The following ATG2A variants were observed in gnomAD, a reference collection of about 807,000 sequenced individuals.
The protein encoded by ATG2A is autophagy related 2A, also known as autophagy-related protein 2 homolog A.
ATG2A carries 103 observed loss-of-function variants against 214.2 expected under a neutral mutation model. That is an observed-to-expected ratio of 0.48 (90% CI 0.41 to 0.57). ATG2A has a LOEUF of 0.57. Among genes scored for constraint, ATG2A ranks in the 20% least tolerant of loss-of-function variants. ATG2A has a pLI of 0.00. For missense variants in ATG2A, 2,312 were observed against 2,613.2 expected, an observed-to-expected ratio of 0.88 and a Z score of 2.51; for synonymous variants, 1,160 against 1,142.1, an observed-to-expected ratio of 1.02 and a Z score of -0.32.
rs1944809669 is a variant in ATG2A at position 64,912,409 on chromosome 11, T to C, written c.840A>G (p.Gly280=). The change falls in exon 7 of 41, where the codon GGA becomes GGG. Residue 280 remains glycine, a synonymous_variant. Transcript: ENST00000377264. ...AFPGPKLEVA[G]QLGSLHLLLT... is the part of the protein sequence containing the mutation. ...GGAGCAGGTGCAGGGAGCCCAGCTGTCCCGCCACCTCCAACTGGGGGCCAA... is the reference window on the plus strand; with the variant it reads ...GGAGCAGGTGCAGGGAGCCCAGCTGCCCCGCCACCTCCAACTGGGGGCCAA... 1 of 1,549,498 alleles carries C rather than the reference T, an allele frequency of 6.5e-7. No individual in the cohort carries two copies. Among genetic ancestry groups the C allele is most frequent in the South Asian group, 1.2e-5 (1 of 84,222 alleles).
chr11:64,894,911 C>A lies in ATG2A; in HGVS notation c.*62G>T. Reference sequence around the variant, plus strand: ...CAGGCCGGGCCGGGCCCGTGGGCTGCAGCTCTTGGGAGGCTCAGGAGCATG... The same window carrying A: ...CAGGCCGGGCCGGGCCCGTGGGCTGAAGCTCTTGGGAGGCTCAGGAGCATG... On this transcript the variant is annotated 3_prime_UTR_variant, in exon 41 of 41. Transcript: ENST00000377264. 1 of 1,586,586 alleles carries A rather than the reference C, an allele frequency of 6.3e-7. No homozygotes were observed. Among genetic ancestry groups the A allele is most frequent in the Non-Finnish European group, 8.6e-7 (1 of 1,160,610 alleles).
Position 64,913,451 on chromosome 11 carries a change from C to A in ATG2A, c.591-50G>T, listed in dbSNP as rs1308049897. ...GCCCTGGCCACCCCAGGCCTGGAGC[C>A]CCTCTCTCCACACAGTGCTCTGCTC... is the stretch of plus-strand genomic sequence containing the variant. On this transcript the variant is annotated intron_variant, in intron 4 of 40. Coordinates refer to ENST00000377264, the MANE Select transcript of ATG2A (RefSeq NM_015104.3). The surrounding 1 kb of genome is among the most constrained non-coding windows in gnomAD (Gnocchi z 4.3). The A allele has an allele frequency of 1.3e-6, 2 of 1,506,736 alleles. No individual in the cohort carries two copies. Among genetic ancestry groups the A allele is most frequent in the Non-Finnish European group, 1.8e-6 (2 of 1,123,588 alleles). 93.3% of individuals were successfully genotyped at this position (1,506,736 alleles called of 1,614,324 possible).
In ATG2A at chr11:64,908,986, C is replaced by A. The variant is rs746756440; in HGVS notation, c.2364+5G>T. On this transcript the variant is annotated splice_donor_5th_base_variant and intron_variant, in intron 16 of 40. Transcript: ENST00000377264. Reference sequence around the variant, plus strand: ...GTCCTGGGAAGAGGTGGGGCCAAGTCTCACCTCCTCTGTCTCATACATGGT... The same window carrying A: ...GTCCTGGGAAGAGGTGGGGCCAAGTATCACCTCCTCTGTCTCATACATGGT... 6 of 1,568,588 alleles carry A rather than the reference C, an allele frequency of 3.8e-6. No individual in the cohort carries two copies. The South Asian group carries it at 5.8e-5, about 15-fold the overall frequency.
intron 1 of ATG2A, among the ~76,000 whole-genome samples, chr11:64,916,290 A>G (rs1944981070): frequency 6.6e-6 from 1 of 152,066 alleles, no homozygotes. Flanking sequence ...AGGCAGGGAC[A>G]CTGAGCCGGG....
chr11:64,895,023 C>T lies in ATG2A; in HGVS notation c.5767G>A (p.Ala1923Thr), dbSNP rs755353803. 6.8e-6 allele frequency: 11 copies of T among 1,613,026 alleles called. No homozygotes were observed. Among genetic ancestry groups the T allele is most frequent in the Admixed American group, 1.7e-5 (1 of 59,980 alleles). Residue 1923 changes from alanine (A) to threonine (T), a missense_variant, in exon 41 of 41, where the codon GCC (alanine) becomes ACC (threonine). Coordinates refer to ENST00000377264, the MANE Select transcript of ATG2A (RefSeq NM_015104.3). This position sits in a 1 kb window ranked among gnomAD's most constrained non-coding sequence, Gnocchi z 5.0. ...GGMRNQIVPDAHKDHALKWRS... is the reference protein window; with the variant it reads ...GGMRNQIVPDTHKDHALKWRS... ...CACTTGAGGGCGTGGTCCTTGTGGG[C>T]GTCGGGGACAATCTGGTTGCGCATG...
chr11:64,908,215 C>T (rs568173067), intron 16 of ATG2A, among the ~76,000 whole-genome samples: 1 of 151,984 alleles, frequency 6.6e-6, no homozygotes, highest in African/African-American at 2.4e-5. Context: ...GTCAGGAGTT[C>T]GAGACCAGCC....
In ATG2A at chr11:64,913,784, C is replaced by G. The variant is rs1158218049; in HGVS notation, c.590+37G>C. ...CCATCCAGCAGCCCCCACTCCCCAT[C>G]TTCACACCAGTCCACCCCAGATCGG... On this transcript the variant is annotated intron_variant, in intron 4 of 40. Transcript: ENST00000377264. The surrounding 1 kb of genome is among the most constrained non-coding windows in gnomAD (Gnocchi z 4.3). The G allele has an allele frequency of 3.1e-6, 5 of 1,599,716 alleles. 1 individual carries two copies. In the Admixed American group the frequency reaches 8.3e-5, roughly 27 times the overall value.
chr11:64,905,478 A>T, intron 24 of ATG2A, 85 bp downstream of exon 24: 1 of 1,358,632 alleles, frequency 7.4e-7, no homozygotes, highest in South Asian at 1.3e-5. Flanking sequence ...GTACATTAAG[A>T]CCGAGAGCAC....
At position 64,897,959 on chromosome 11, in the gene ATG2A, C is replaced by G. The variant is rs373705295; in HGVS notation, c.4874G>C (p.Arg1625Pro). The G allele has an allele frequency of 1.3e-6, 2 of 1,550,902 alleles. No individual in the cohort carries two copies. The highest frequency in any genetic ancestry group is 1.7e-6 in the Non-Finnish European group (2 of 1,151,124). Reference protein sequence around the residue: ...ETSAEARPETRAQPSSPLEGQ... With the variant: ...ETSAEARPETPAQPSSPLEGQ... Reference sequence around the variant, plus strand: ...TTCCAGGGGGCTGCTGGGCTGGGCTCGAGTCTCGGGGCGAGCTAGGGGAGG... The same window carrying G: ...TTCCAGGGGGCTGCTGGGCTGGGCTGGAGTCTCGGGGCGAGCTAGGGGAGG... The change falls in exon 35 of 41, where the codon CGA becomes CCA. Residue 1625 changes from arginine (R) to proline (P), a missense_variant. By Grantham distance (103) the Arg-to-Pro change is moderately radical. Coordinates refer to ENST00000377264, the MANE Select transcript of ATG2A (RefSeq NM_015104.3).
At chr11:64,911,308 AAC>A in intron 9 of ATG2A, 33 bp from the exon 10 acceptor site, 1 of 1,603,484 alleles carries the variant, frequency 6.2e-7, no homozygotes, top group African/African-American at 1.3e-5. Context: ...AGGGGCTCCC[AAC>A]AGATTCCGGG....
chr11:64,910,334 A>G (rs1331398283), intron 12 of ATG2A, 139 bp from the exon 13 acceptor site: 2 of 1,307,086 alleles, frequency 1.5e-6, no homozygotes, highest in Non-Finnish European at 2.0e-6. Flanking sequence ...CCTTTGCCCG[A>G]CGCGCACAAT....
intron 22 of ATG2A, 75 bp downstream of exon 22, chr11:64,906,038 C>T (rs895751394): frequency 6.6e-7 from 1 of 1,505,816 alleles, no homozygotes; most frequent in African/African-American, 1.4e-5. Context: ...GGCCTCCTCC[C>T]ACCTAGAGAC....
intron 12 of ATG2A, 64 bp from the exon 13 acceptor site, chr11:64,910,259 C>T (rs1944718063): frequency 1.3e-6 from 2 of 1,514,492 alleles, no homozygotes; most frequent in Non-Finnish European, 1.8e-6. Context: ...GACAGGAAGG[C>T]CCTCTCTGGT....
chr11:64,900,531 C>T lies in ATG2A; in HGVS notation c.4427G>A (p.Arg1476Gln), dbSNP rs1944315522. Residue 1476 changes from arginine (R) to glutamine (Q), a missense_variant, in exon 31 of 41, where the codon CGG (arginine) becomes CAG (glutamine). Transcript: ENST00000377264. ...NSWRTQGGSG[R>Q]QHHVLMEIQL... ...GATCTCCATGAGGACATGGTGCTGC[C>T]GCCCGCTGCCCCCCTGCGTGCGCCA... The T allele has an allele frequency of 1.2e-6, 2 of 1,613,496 alleles. No individual in the cohort carries two copies. The highest frequency in any genetic ancestry group is 1.7e-6 in the Non-Finnish European group (2 of 1,180,028).
rs747612492 is a variant in ATG2A at position 64,913,107 on chromosome 11, G to A, written c.756C>T (p.Ile252=). ...GCTCCATGTACCCTGAGCAGCTGCCGATCTGCAAGGGGGGCTCTGGAGGCT... is the reference window on the plus strand; with the variant it reads ...GCTCCATGTACCCTGAGCAGCTGCCAATCTGCAAGGGGGGCTCTGGAGGCT... ...QEEPPEPPLQ[I]GSCSGYMELM... The change falls in exon 6 of 41, where the codon ATC becomes ATT. Residue 252 remains isoleucine (I), a synonymous_variant. Transcript: ENST00000377264. This position sits in a 1 kb window ranked among gnomAD's most constrained non-coding sequence, Gnocchi z 4.3. The A allele has an allele frequency of 3.3e-5, 52 of 1,576,282 alleles. No individual in the cohort carries two copies. The highest frequency in any genetic ancestry group is 2.1e-4 in the South Asian group (18 of 86,786).
rs760687412 is a variant in ATG2A, at chr11:64,894,852, A to G, written c.*121T>C. 6 of 1,175,638 alleles carry G rather than the reference A, an allele frequency of 5.1e-6. No homozygotes were observed. The Admixed American group carries it at 6.7e-5, about 13-fold the overall frequency. The allele number at this position is 1,175,638 out of a possible 1,614,324, so 72.8% of individuals were successfully genotyped here. A position where few individuals can be genotyped will look rare whatever the true frequency, so the allele number is the denominator to read the frequency against. Reference sequence around the variant, plus strand: ...CAGATTGGCAACGGGCAGGCTGGGAAGGCGTCCTTCACAGTGGCCATCCCC... The same window carrying G: ...CAGATTGGCAACGGGCAGGCTGGGAGGGCGTCCTTCACAGTGGCCATCCCC... On this transcript the variant is annotated 3_prime_UTR_variant, in exon 41 of 41. Transcript: ENST00000377264.
chr11:64,917,170 G>T lies in ATG2A; in HGVS notation c.-35C>A, dbSNP rs765105073. On this transcript the variant is annotated 5_prime_UTR_variant, in exon 1 of 41. Transcript: ENST00000377264. Reference sequence around the variant, plus strand: ...CGCCGGGCCTGGGCCGCCTCCGCTTGCCGCCCGCCGGCGATCCCCGTCCGG... The same window carrying T: ...CGCCGGGCCTGGGCCGCCTCCGCTTTCCGCCCGCCGGCGATCCCCGTCCGG... 4 of 1,557,920 alleles carry T rather than the reference G, an allele frequency of 2.6e-6. No homozygotes were observed. In the Admixed American group the frequency reaches 7.3e-5, roughly 28 times the overall value.
At chr11:64,905,405 C>G (rs1322132703) in intron 24 of ATG2A, among the ~76,000 whole-genome samples, 158 bp downstream of exon 24, 1 of 152,194 alleles carries the variant, frequency 6.6e-6, no homozygotes, top group East Asian at 1.9e-4. Flanking sequence ...TCAGGAGGCT[C>G]CAACTGCCCT....
At position 64,913,702 on chromosome 11, in the gene ATG2A, C is replaced by A; in HGVS notation, c.590+119G>T. On this transcript the variant is annotated intron_variant, in intron 4 of 40. Transcript: ENST00000377264. The surrounding 1 kb of genome is among the most constrained non-coding windows in gnomAD (Gnocchi z 4.3). ...CCCACCTCCCCAACCCTACCACCACCGAGGCCCATCCAGATCCACCCTGCC... is the reference window on the plus strand; with the variant it reads ...CCCACCTCCCCAACCCTACCACCACAGAGGCCCATCCAGATCCACCCTGCC... 1.9e-6 allele frequency: 2 copies of A among 1,048,132 alleles called. No individual in the cohort carries two copies. The highest frequency in any genetic ancestry group is 1.4e-5 in the South Asian group (1 of 70,306). The allele number at this position is 1,048,132 out of a possible 1,614,324, so 64.9% of individuals were successfully genotyped here.
Sources: gnomAD v4.1 joint callset for allele counts (sites outside exome capture counted in the v4.1 genomes callset) on GRCh38, gnomAD v4.1.1 for gene constraint, Gnocchi (gnomAD v3.1) non-coding constraint, MANE v1.5 for transcripts, NCBI Gene and HGNC (gene_info 2026-07-23, HGNC 2026-07-21) for gene names.